ENPEP: variants seen among roughly 807,000 people sequenced by gnomAD.
The protein encoded by ENPEP is glutamyl aminopeptidase.
Under a neutral mutation model 114.5 loss-of-function variants are expected in ENPEP, and 103 were observed. That is an observed-to-expected ratio of 0.90 (90% confidence interval 0.77 to 1.06). The LOEUF is 1.06. ENPEP is among the 50% of genes least tolerant of loss of function. ENPEP has a pLI of 0.00. For missense variants in ENPEP, 1,196 were observed against 1,161.3 expected (o/e 1.03, Z -0.43); for synonymous variants, 420 against 422.0 (o/e 1.00, Z 0.06).
intron 3 of ENPEP, among the ~76,000 whole-genome samples, chr4:110,492,814 A>G (rs1360507425): frequency 6.6e-6 from 1 of 152,246 alleles, no homozygotes; most frequent in Non-Finnish European, 1.5e-5. Flanking sequence ...TTTCCGTCTC[A>G]TAACAAACAT....
intron 3 of ENPEP, among the ~76,000 whole-genome samples, chr4:110,496,894 G>A (rs1006436813): frequency 6.6e-6 from 1 of 152,168 alleles, no homozygotes; most frequent in Non-Finnish European, 1.5e-5. Context: ...AGGTTTCTCT[G>A]CTTCAGTTTA....
rs1474413492 is a variant in ENPEP, at chr4:110,561,412, A to G, written c.2728A>G (p.Ser910Gly). The change falls in exon 20 of 20, where the codon AGC (serine) becomes GGC (glycine). Residue 910 changes from serine to glycine, a missense_variant. Physicochemically the swap from Ser to Gly is moderately conservative, Grantham distance 56. Transcript: ENST00000265162. ...ACTCCCCTCTCTTTTCTAGATGGAGAGCTTTTTTGCAAAATATCCACAAGC... is the reference window on the plus strand; with the variant it reads ...ACTCCCCTCTCTTTTCTAGATGGAGGGCTTTTTTGCAAAATATCCACAAGC... ...NTELQLWQMESFFAKYPQAGA... is the reference protein window; with the variant it reads ...NTELQLWQMEGFFAKYPQAGA... 1.2e-6 allele frequency: 2 copies of G among 1,613,600 alleles called. No homozygotes were observed. The highest frequency in any genetic ancestry group is 2.7e-5 in the African/African-American group (2 of 74,900).
chr4:110,492,334 T>G (rs190224327), intron 3 of ENPEP, among the ~76,000 whole-genome samples: 1 of 152,328 alleles, frequency 6.6e-6, no homozygotes, highest in African/African-American at 2.4e-5. Context: ...TACTGTATCT[T>G]GCTTAGCCTT....
intron 8 of ENPEP, among the ~76,000 whole-genome samples, chr4:110,517,312 C>T (rs1307236223): frequency 6.6e-6 from 1 of 152,108 alleles, no homozygotes; most frequent in African/African-American, 2.4e-5. Flanking sequence ...AGTTTAATTA[C>T]ACATGTTACG....
Position 110,561,659 on chromosome 4 carries a change from A to C in ENPEP, c.*101A>C. On this transcript the variant is annotated 3_prime_UTR_variant, in exon 20 of 20. Transcript: ENST00000265162. The stretch of plus-strand genomic sequence containing the variant: ...GCACGATGGAGAGAGCCTTATAAAC[A>C]GATAATGCTTTTACTAAGCACTGTG... 8.9e-7 allele frequency: 1 copy of C among 1,123,612 alleles called. No homozygotes were observed. 69.6% of individuals were successfully genotyped at this position (1,123,612 alleles called of 1,614,324 possible). A position where few individuals can be genotyped will look rare whatever the true frequency, so the allele number is the denominator to read the frequency against.
chr4:110,531,750 T>TAAA (rs1234315924), intron 11 of ENPEP, among the ~76,000 whole-genome samples: 1 of 152,150 alleles, frequency 6.6e-6, no homozygotes, highest in Non-Finnish European at 1.5e-5. Context: ...TAGAGTTGTA[T>TAAA]AAAAACAAGT....
At chr4:110,490,823 G>A (rs1724679233) in intron 2 of ENPEP, among the ~76,000 whole-genome samples, 1 of 152,136 alleles carries the variant, frequency 6.6e-6, no homozygotes, top group Admixed American at 6.6e-5. Context: ...ACCTGATACA[G>A]TGTGTAATTC....
At chr4:110,490,929 C>T in intron 2 of ENPEP, 104 bp from the exon 3 acceptor site, 1 of 1,244,610 alleles carries the variant, frequency 8.0e-7, no homozygotes, top group Non-Finnish European at 1.1e-6. Context: ...TGACAAAGGA[C>T]TTCTGGCTAG....
At chr4:110,529,474 T>G (rs1726321584) in intron 10 of ENPEP, among the ~76,000 whole-genome samples, 1 of 152,044 alleles carries the variant, frequency 6.6e-6, no homozygotes, top group Admixed American at 6.6e-5. Flanking sequence ...GGCAGTGGGA[T>G]AGAGAAGGAA....
At position 110,477,015 on chromosome 4, in the gene ENPEP, G is replaced by T; in HGVS notation, c.601G>T (p.Val201Leu). 1 of 1,614,154 alleles carries T rather than the reference G, an allele frequency of 6.2e-7. No individual in the cohort carries two copies. Among genetic ancestry groups the T allele is most frequent in the Non-Finnish European group, 8.5e-7 (1 of 1,180,032 alleles). The change falls in exon 1 of 20, where the codon GTG becomes TTG. Residue 201 changes from valine (V) to leucine (L), a missense_variant. By Grantham distance (32) the Val-to-Leu change is conservative. Transcript: ENST00000265162. ...EFAGWLNGSL[V>L]GFYRTTYTEN... ...CGCCGGCTGGCTGAACGGCTCCCTC[G>T]TGGGATTTTATAGAACCACCTACAC... is the stretch of plus-strand genomic sequence containing the variant.
chr4:110,486,590 C>T (rs527741068), intron 1 of ENPEP, among the ~76,000 whole-genome samples: 3 of 152,276 alleles, frequency 2.0e-5, no homozygotes, highest in Non-Finnish European at 4.4e-5. Flanking sequence ...ACCACTCTAC[C>T]TAATGTTGTT....
intron 8 of ENPEP, chr4:110,515,814 C>A (rs1300496872): frequency 4.4e-6 from 2 of 457,644 alleles, no homozygotes; most frequent in Admixed American, 2.3e-5. Context: ...AAAGTGCTGG[C>A]TGATTCCGTT....
intron 2 of ENPEP, among the ~76,000 whole-genome samples, chr4:110,489,529 C>T (rs1208340682): frequency 6.6e-6 from 1 of 151,668 alleles, no homozygotes; most frequent in Non-Finnish European, 1.5e-5. Context: ...GCACATTCTG[C>T]ACATGTATCC....
rs779152820 is a variant in ENPEP, at chr4:110,476,877, G to C, written c.463G>C (p.Val155Leu). 30 of 1,613,992 alleles carry C rather than the reference G, an allele frequency of 1.9e-5. No individual in the cohort carries two copies. The highest frequency in any genetic ancestry group is 2.7e-5 in the African/African-American group (2 of 74,886). ...GCTGAAGAGGCCCTCTGGGGACCAG[G>C]TGCAAGTCCGGAGGTGTTTCGAGTA... is the stretch of plus-strand genomic sequence containing the variant. ...PELKRPSGDQ[V>L]QVRRCFEYKK... The change falls in exon 1 of 20, where the codon GTG (valine) becomes CTG (leucine). Residue 155 changes from valine to leucine, a missense_variant. By Grantham distance (32) the Val-to-Leu change is conservative (BLOSUM62 1). Coordinates refer to ENST00000265162, the MANE Select transcript of ENPEP (RefSeq NM_001977.4).
intron 10 of ENPEP, among the ~76,000 whole-genome samples, chr4:110,524,090 T>C (rs1726105600): frequency 6.6e-6 from 1 of 152,134 alleles, no homozygotes; most frequent in Non-Finnish European, 1.5e-5. Flanking sequence ...TATTAAATTT[T>C]ATATTAAAAG....
chr4:110,563,809 A>G lies in ENPEP; in HGVS notation c.*2251A>G, dbSNP rs981754730. 2.0e-5 allele frequency: 3 copies of G among 152,190 alleles called. No homozygotes were observed. The highest frequency in any genetic ancestry group is 4.4e-5 in the Non-Finnish European group (3 of 68,040). 9.4% of individuals were successfully genotyped at this position (152,190 alleles called of 1,614,324 possible). On this transcript the variant is annotated 3_prime_UTR_variant, in exon 20 of 20. Coordinates refer to ENST00000265162, the MANE Select transcript of ENPEP (RefSeq NM_001977.4). The stretch of plus-strand genomic sequence containing the variant: ...CATTGCTATGTACCCACATAATTAT[A>G]AATTAGGAGTTTAAATAATAAAACA...
At chr4:110,518,083 C>T (rs1187045639) in intron 8 of ENPEP, among the ~76,000 whole-genome samples, 1 of 152,134 alleles carries the variant, frequency 6.6e-6, no homozygotes, top group African/African-American at 2.4e-5. Flanking sequence ...CTGGGGCTGG[C>T]CATTTGTCTA....
chr4:110,546,618 A>C (rs546474828), intron 13 of ENPEP, among the ~76,000 whole-genome samples: 1 of 152,002 alleles, frequency 6.6e-6, no homozygotes, highest in Admixed American at 6.6e-5. Flanking sequence ...ACGTTAGCAA[A>C]TAAGAACCAG....
intron 1 of ENPEP, among the ~76,000 whole-genome samples, chr4:110,484,354 T>C (rs1405648844): frequency 6.6e-6 from 1 of 152,190 alleles, no homozygotes; most frequent in African/African-American, 2.4e-5. Context: ...TGAAGTGGAT[T>C]AGAATGTAAG....
Sources: gnomAD v4.1 joint callset for allele counts (sites outside exome capture counted in the v4.1 genomes callset) on GRCh38, gnomAD v4.1.1 for gene constraint, MANE v1.5 for transcripts, NCBI Gene and HGNC (gene_info 2026-07-23, HGNC 2026-07-21) for gene names.